The following LPCAT1 variants were observed in gnomAD, a reference collection of about 807,000 sequenced individuals.
LPCAT1 encodes 1-acylglycerol-3-phosphate O-acyltransferase.
A neutral mutation model predicts 60.9 loss-of-function variants in LPCAT1; 23 were observed. The observed-to-expected ratio is 0.38, with a 90% confidence interval of 0.27 to 0.53. LPCAT1 has a LOEUF of 0.53. Among genes scored for constraint, LPCAT1 ranks in the 20% least tolerant of loss-of-function variants. The probability of loss-of-function intolerance (pLI) is 0.82; values close to 1 mark genes in which losing one functional copy is unlikely to be tolerated. For synonymous variants in LPCAT1, 340 were observed against 301.1 expected, an observed-to-expected ratio of 1.13 and a Z score of -1.34; for missense variants, 622 against 723.6, an observed-to-expected ratio of 0.86 and a Z score of 1.61.
chr5:1,468,160 C>G (rs1402100753), intron 12 of LPCAT1, among the ~76,000 whole-genome samples: 1 of 152,206 alleles, frequency 6.6e-6, no homozygotes, highest in East Asian at 1.9e-4. Context: ...GGCTCTGCCT[C>G]TACCCCATGG....
intron 5 of LPCAT1, among the ~76,000 whole-genome samples, chr5:1,485,536 G>A (rs1032468132): frequency 3.3e-5 from 5 of 152,192 alleles, no homozygotes; most frequent in African/African-American, 4.8e-5. Context: ...TGGGTCTAAC[G>A]TCACTAGTTG....
chr5:1,515,587 C>A (rs1736484555), intron 1 of LPCAT1, among the ~76,000 whole-genome samples: 1 of 151,736 alleles, frequency 6.6e-6, no homozygotes, highest in Non-Finnish European at 1.5e-5. Context: ...CCTGTATACC[C>A]TGCCCTGCAC....
At chr5:1,466,699 C>G (rs1734420377) in intron 13 of LPCAT1, 50 bp downstream of exon 13, 1 of 1,577,046 alleles carries the variant, frequency 6.3e-7, no homozygotes, top group Non-Finnish European at 8.6e-7. Context: ...CACACTCTGT[C>G]CAGCCCCCGC....
intron 12 of LPCAT1, among the ~76,000 whole-genome samples, chr5:1,469,332 G>A (rs932875480): frequency 2.6e-5 from 4 of 152,170 alleles, no homozygotes; most frequent in African/African-American, 9.7e-5. Flanking sequence ...ACCACAGCCA[G>A]TTACCCTGCC....
chr5:1,474,789 A>G (rs1350782953), intron 9 of LPCAT1, 104 bp from the exon 10 acceptor site: 3 of 1,425,174 alleles, frequency 2.1e-6, no homozygotes, highest in Non-Finnish European at 2.8e-6. Flanking sequence ...AGGGCTGAGG[A>G]GAGGCAGTGA....
In LPCAT1 at chr5:1,474,689, C is replaced by T. The variant is rs541872660; in HGVS notation, c.900-4G>A. 2.4e-4 allele frequency: 388 copies of T among 1,612,380 alleles called. 8 individuals are homozygous for T. The South Asian group carries it at 4.0e-3, about 17-fold the overall frequency. ...AGTCACGGAGACACCCAAGGCCCTA[C>T]AAGGAGGGCAGCACCCCCGTCAGCC... On this transcript the variant is annotated splice_region_variant and splice_polypyrimidine_tract_variant and intron_variant, in intron 9 of 13. Transcript: ENST00000283415.
intron 1 of LPCAT1, among the ~76,000 whole-genome samples, chr5:1,514,177 C>T (rs1166732800): frequency 6.6e-6 from 1 of 152,220 alleles, no homozygotes; most frequent in African/African-American, 2.4e-5. Context: ...GAGGCACCAG[C>T]TTTGTCCTCG....
chr5:1,523,653 C>T lies in LPCAT1; in HGVS notation c.135+57G>A. On this transcript the variant is annotated intron_variant, in intron 1 of 13. Coordinates refer to ENST00000283415, the MANE Select transcript of LPCAT1 (RefSeq NM_024830.5). The surrounding 1 kb of genome is among the most constrained non-coding windows in gnomAD (Gnocchi z 7.1). Reference sequence around the variant, plus strand: ...CCCCTCCTCGGCCGCGCCTCCCTGGCCCCAGCATCCCTGGCGTCCGCGCCG... The same window carrying T: ...CCCCTCCTCGGCCGCGCCTCCCTGGTCCCAGCATCCCTGGCGTCCGCGCCG... 9.5e-7 allele frequency: 1 copy of T among 1,048,608 alleles called. No individual in the cohort carries two copies. 65.0% of individuals were successfully genotyped at this position (1,048,608 alleles called of 1,614,324 possible).
At chr5:1,492,345 CTGAGCTGGGACCTGGGGAGATGGTTT>C (rs1450963108) in intron 3 of LPCAT1, among the ~76,000 whole-genome samples, 13 of 151,716 alleles carry the variant, frequency 8.6e-5, no homozygotes, top group Admixed American at 2.6e-4. Context: ...GGAGACGTCT[CTGAGCTGGGACCTGGGGAGATGGTTT>C]TGAGCTGGAG....
chr5:1,518,194 G>A (rs375895316), intron 1 of LPCAT1, among the ~76,000 whole-genome samples: 220 of 152,358 alleles, frequency 1.4e-3, no homozygotes, highest in Middle Eastern at 0.01. Context: ...GGCTTGGGCC[G>A]GGTGACTGGC....
chr5:1,514,741 G>A (rs1424632313), intron 1 of LPCAT1, among the ~76,000 whole-genome samples: 7 of 152,156 alleles, frequency 4.6e-5, no homozygotes, highest in Non-Finnish European at 8.8e-5. Context: ...GGGCTCAGGA[G>A]AAGCAGGCTC....
intron 5 of LPCAT1, among the ~76,000 whole-genome samples, chr5:1,484,830 G>A (rs1239551281): frequency 6.6e-6 from 1 of 152,254 alleles, no homozygotes; most frequent in Non-Finnish European, 1.5e-5. Flanking sequence ...CTGTGTCCAG[G>A]GCTGGGTTGC....
chr5:1,464,521 G>A (rs1331989049), intron 13 of LPCAT1, among the ~76,000 whole-genome samples: 4 of 152,164 alleles, frequency 2.6e-5, no homozygotes, highest in African/African-American at 4.8e-5. Flanking sequence ...AAGGAGCATT[G>A]CACACTTTCA....
At chr5:1,479,399 AC>A (rs1345302063) in intron 8 of LPCAT1, 4 of 560,312 alleles carry the variant, frequency 7.1e-6, no homozygotes, top group Non-Finnish European at 9.5e-6. Flanking sequence ...AAAAACAAAA[AC>A]CCAAATCTTA....
Position 1,470,931 on chromosome 5 carries a change from G to A in LPCAT1, c.1180-7C>T, listed in dbSNP as rs1191951845. On this transcript the variant is annotated splice_polypyrimidine_tract_variant and splice_region_variant and intron_variant, in intron 11 of 13. Coordinates refer to ENST00000283415, the MANE Select transcript of LPCAT1 (RefSeq NM_024830.5). ...CCACCTCGCCGCTGCCGCTCTGTGG[G>A]GAGAGACGCTCTCAGCCACAGCTCG... 1 of 1,611,006 alleles carries A rather than the reference G, an allele frequency of 6.2e-7. No homozygotes were observed. The highest frequency in any genetic ancestry group is 1.7e-5 in the Admixed American group (1 of 59,672).
intron 12 of LPCAT1, among the ~76,000 whole-genome samples, chr5:1,468,851 G>T (rs1360834623): frequency 6.6e-6 from 1 of 152,234 alleles, no homozygotes; most frequent in South Asian, 2.1e-4. Flanking sequence ...TGTCCCAAGA[G>T]CAGCACGCTG....
Position 1,489,788 on chromosome 5 carries a change from T to G in LPCAT1, c.564A>C (p.Glu188Asp). 1 of 1,614,200 alleles carries G rather than the reference T, an allele frequency of 6.2e-7. No individual in the cohort carries two copies. The highest frequency in any genetic ancestry group is 1.1e-5 in the South Asian group (1 of 91,088). ...SDQDSRRKTV[E>D]EIKRRAQSNG... ...TGGACTGCGCCCGTCTCTTGATTTC[T>G]TCTACTGTTTTCCTGCGAGAATCCT... The change falls in exon 4 of 14, where the codon GAA becomes GAC. Residue 188 changes from glutamate (E) to aspartate (D), a missense_variant. Glu to Asp is a conservative substitution (Grantham distance 45). Transcript: ENST00000283415.
chr5:1,472,684 GTGGTAAAGCGCCTGAGTGCAAACGC>G lies in LPCAT1; in HGVS notation c.1179+1248_1179+1272del, dbSNP rs141786873. On this transcript the variant is annotated intron_variant, in intron 11 of 13. Transcript: ENST00000283415. The stretch of plus-strand genomic sequence containing the variant: ...CATTTCACGTTTCAATTCCAACACT[GTGGTAAAGCGCCTGAGTGCAAACGC>G]AGCTGCAGATGTGGCACGGACACCA... Among the ~76,000 whole-genome samples the G allele has an allele frequency of 1.6e-3, 246 of 152,278 alleles. 2 individuals are homozygous for G. Among genetic ancestry groups the G allele is most frequent in the African/African-American group, 5.8e-3 (242 of 41,522 alleles).
At chr5:1,515,288 T>A (rs2126619705) in intron 1 of LPCAT1, among the ~76,000 whole-genome samples, 1 of 148,982 alleles carries the variant, frequency 6.7e-6, no homozygotes, top group South Asian at 2.1e-4. Flanking sequence ...CAGGGGATCC[T>A]GCTACAAGAG....
Sources: gnomAD v4.1 joint callset for allele counts (sites outside exome capture counted in the v4.1 genomes callset) on GRCh38, gnomAD v4.1.1 for gene constraint, Gnocchi (gnomAD v3.1) non-coding constraint, MANE v1.5 for transcripts, NCBI Gene and HGNC (gene_info 2026-07-23, HGNC 2026-07-21) for gene names.